The following BTAF1 variants were observed in gnomAD, a reference collection of about 807,000 sequenced individuals.
BTAF1 encodes the protein B-TFIID TATA-box binding protein associated factor 1, also known as TATA-binding protein-associated factor 172.
Under a neutral mutation model 227.1 loss-of-function variants are expected in BTAF1, and 38 were observed. That is an observed-to-expected ratio of 0.17 (90% CI 0.13 to 0.22). BTAF1 has a LOEUF of 0.22. Among genes scored for constraint, BTAF1 ranks in the 10% least tolerant of loss-of-function variants. The pLI, the probability that BTAF1 is intolerant of heterozygous loss-of-function variation, is 1.00. For synonymous variants in BTAF1, 742 were observed against 751.9 expected, an observed-to-expected ratio of 0.99 and a Z score of 0.21; for missense variants, 1,598 against 2,204.0, an observed-to-expected ratio of 0.73 and a Z score of 5.51.
chr10:91,932,893 T>C (rs1319262799), intron 1 of BTAF1, among the ~76,000 whole-genome samples: 2 of 152,232 alleles, frequency 1.3e-5, no homozygotes, highest in African/African-American at 2.4e-5. Context: ...TCACCTCTAG[T>C]GGTGTATCTG....
intron 14 of BTAF1, among the ~76,000 whole-genome samples, chr10:91,973,821 G>A (rs910795657): frequency 1.4e-5 from 2 of 147,178 alleles, no homozygotes; most frequent in Non-Finnish European, 1.5e-5. Context: ...GGAGAATGGC[G>A]TGAACCCGGG....
At chr10:92,020,286 A>C (rs58962582) in intron 34 of BTAF1, among the ~76,000 whole-genome samples, 1 of 152,062 alleles carries the variant, frequency 6.6e-6, no homozygotes, top group East Asian at 1.9e-4. Flanking sequence ...TGCATACTCT[A>C]TCATTTTGCT....
chr10:91,935,134 AG>A (rs1433839120), intron 1 of BTAF1: 1 of 152,230 alleles, frequency 6.6e-6, no homozygotes, highest in Non-Finnish European at 1.5e-5. Flanking sequence ...TTTAATTGAC[AG>A]ATAAATGTAC....
chr10:92,013,550 A>G, intron 30 of BTAF1, 117 bp from the exon 31 acceptor site: 2 of 1,325,550 alleles, frequency 1.5e-6, no homozygotes, highest in Non-Finnish European at 2.1e-6. Flanking sequence ...TATGTCTAAA[A>G]ATATAGTGAT....
chr10:92,013,793 C>T lies in BTAF1; in HGVS notation c.4438C>T (p.Arg1480Ter). 1.2e-6 allele frequency: 2 copies of T among 1,613,848 alleles called. No individual in the cohort carries two copies. Among genetic ancestry groups the T allele is most frequent in the South Asian group, 1.1e-5 (1 of 91,036 alleles). The change falls in exon 31 of 38, where the codon CGA (arginine) becomes TGA (stop). Residue 1480 changes from arginine (R) to a stop codon, truncating the protein, a stop_gained. Transcript: ENST00000265990. LOFTEE classifies it high-confidence loss of function. Reference protein sequence around the residue: ...LASRDARSSSREQEAGVLAMD... With the variant: ...LASRDARSSS Reference sequence around the variant, plus strand: ...AAGTAGGGATGCTCGAAGCTCCAGTCGAGAGCAAGAAGCAGGTATGAAAGA... The same window carrying T: ...AAGTAGGGATGCTCGAAGCTCCAGTTGAGAGCAAGAAGCAGGTATGAAAGA...
At chr10:91,961,949 C>T (rs7924014) in intron 11 of BTAF1, among the ~76,000 whole-genome samples, 32,358 of 152,036 alleles carry the variant, frequency 0.21, 5,495 homozygotes, top group African/African-American at 0.47. Context: ...TGTGTGTATT[C>T]ACACAGAGAA....
Position 92,025,689 on chromosome 10 carries a change from C to T in BTAF1, c.5075+722C>T, listed in dbSNP as rs191367492. Among the ~76,000 whole-genome samples the T allele has an allele frequency of 8.2e-4, 124 of 152,018 alleles. 1 individual carries two copies. Among genetic ancestry groups the T allele is most frequent in the Admixed American group, 3.7e-3 (56 of 15,250 alleles). ...GGATGTGGTGGCACATGCCTGTAAT[C>T]CCAGCTACTCTGGAGGCTGAGGCAG... On this transcript the variant is annotated intron_variant, in intron 35 of 37. Coordinates refer to ENST00000265990, the MANE Select transcript of BTAF1 (RefSeq NM_003972.3).
At chr10:91,955,501 C>G (rs1589801296) in intron 6 of BTAF1, among the ~76,000 whole-genome samples, 1 of 151,856 alleles carries the variant, frequency 6.6e-6, no homozygotes, top group South Asian at 2.1e-4. Context: ...GAAGATAAAA[C>G]AGGGAAGGAA....
At position 92,016,570 on chromosome 10, in the gene BTAF1, C is replaced by G. The variant is rs185136664; in HGVS notation, c.4710+105C>G. 260 of 975,928 alleles carry G rather than the reference C, an allele frequency of 2.7e-4. No individual in the cohort carries two copies. The African/African-American group carries it at 3.9e-3, about 15-fold the overall frequency. The allele number at this position is 975,928 out of a possible 1,614,324, so 60.5% of individuals were successfully genotyped here. On this transcript the variant is annotated intron_variant, in intron 33 of 37. Coordinates refer to ENST00000265990, the MANE Select transcript of BTAF1 (RefSeq NM_003972.3). Reference sequence around the variant, plus strand: ...CTCGGCTCACTGCAACCTCTGCCTCCTGGGTTCAAGCTATCATGCCTCAGA... The same window carrying G: ...CTCGGCTCACTGCAACCTCTGCCTCGTGGGTTCAAGCTATCATGCCTCAGA...
chr10:91,925,211 C>A (rs939263724), intron 1 of BTAF1, among the ~76,000 whole-genome samples: 16 of 152,122 alleles, frequency 1.1e-4, no homozygotes, highest in Non-Finnish European at 2.2e-4. Flanking sequence ...ATAATCTATT[C>A]AATGTGAGGA....
intron 2 of BTAF1, among the ~76,000 whole-genome samples, chr10:91,937,231 G>A (rs1429564351): frequency 1.3e-5 from 2 of 151,984 alleles, no homozygotes; most frequent in African/African-American, 4.8e-5. Flanking sequence ...TGGACCTCGT[G>A]ATCCTCCCAC....
At chr10:92,008,328 T>G in intron 26 of BTAF1, 53 bp downstream of exon 26, 1 of 1,421,948 alleles carries the variant, frequency 7.0e-7, no homozygotes, top group Non-Finnish European at 9.2e-7. Flanking sequence ...TGAAGCGTTG[T>G]GGGTTTGTTG....
At chr10:91,946,236 G>A (rs1845354970) in intron 4 of BTAF1, among the ~76,000 whole-genome samples, 2 of 152,188 alleles carry the variant, frequency 1.3e-5, no homozygotes, top group African/African-American at 4.8e-5. Context: ...ACGCATGCCT[G>A]TAATCCCAGC....
chr10:91,932,628 G>T (rs967026269), intron 1 of BTAF1, among the ~76,000 whole-genome samples: 2 of 152,158 alleles, frequency 1.3e-5, no homozygotes, highest in Admixed American at 6.5e-5. Flanking sequence ...ACAAATTAAT[G>T]TGAGAGATGC....
chr10:91,933,810 A>T (rs963471953), intron 1 of BTAF1, among the ~76,000 whole-genome samples: 2 of 152,246 alleles, frequency 1.3e-5, no homozygotes, highest in African/African-American at 4.8e-5. Context: ...AGTGGAGATC[A>T]AGCAGTTTAT....
intron 25 of BTAF1, among the ~76,000 whole-genome samples, chr10:92,000,054 C>T (rs1849412105): frequency 6.6e-6 from 1 of 152,052 alleles, no homozygotes; most frequent in Non-Finnish European, 1.5e-5. Flanking sequence ...TTATAATTTA[C>T]TAAACTGTTT....
Position 91,942,482 on chromosome 10 carries a change from G to A in BTAF1, c.314G>A (p.Arg105Lys). ...SPTTERLNFD[R>K]FDICRLLQHG... ...ACTACAGAGCGATTGAATTTTGACA[G>A]ATTTGATATATGTAGATTGTTACAA... The change falls in exon 4 of 38, where the codon AGA becomes AAA. Residue 105 changes from arginine (R) to lysine (K), a missense_variant. This residue lies in a region of BTAF1 where 298 missense variants were observed against 395.2 expected (regional missense o/e 0.75). Coordinates refer to ENST00000265990, the MANE Select transcript of BTAF1 (RefSeq NM_003972.3). The A allele has an allele frequency of 6.2e-7, 1 of 1,614,028 alleles. No individual in the cohort carries two copies. The highest frequency in any genetic ancestry group is 1.7e-5 in the Admixed American group (1 of 60,018).
At chr10:92,004,532 A>T (rs1849749620) in intron 25 of BTAF1, among the ~76,000 whole-genome samples, 2 of 152,166 alleles carry the variant, frequency 1.3e-5, no homozygotes, top group African/African-American at 2.4e-5. Flanking sequence ...CAGTTGTATG[A>T]TCATGGCTCA....
chr10:92,029,767 T>C lies in BTAF1; in HGVS notation c.*834T>C, dbSNP rs1413825533. 6.6e-6 allele frequency: 1 copy of C among 152,178 alleles called. No individual in the cohort carries two copies. Among genetic ancestry groups the C allele is most frequent in the Non-Finnish European group, 1.5e-5 (1 of 67,918 alleles). The allele number at this position is 152,178 out of a possible 1,614,324, so 9.4% of individuals were successfully genotyped here. On this transcript the variant is annotated 3_prime_UTR_variant, in exon 38 of 38. Transcript: ENST00000265990. ...CTGTTTAGAATTCCAACACCTACAGTGGAAAGACTGTTTATTGTAGTAATG... is the reference window on the plus strand; with the variant it reads ...CTGTTTAGAATTCCAACACCTACAGCGGAAAGACTGTTTATTGTAGTAATG...
Sources: gnomAD v4.1 joint callset for allele counts (sites outside exome capture counted in the v4.1 genomes callset) on GRCh38, gnomAD v4.1.1 for gene constraint, gnomAD v4.1.1 regional missense constraint, MANE v1.5 for transcripts, NCBI Gene and HGNC (gene_info 2026-07-23, HGNC 2026-07-21) for gene names.